The following ENPP4 variants were observed in gnomAD, a reference collection of about 807,000 sequenced individuals.
ENPP4 encodes ectonucleotide pyrophosphatase/phosphodiesterase 4.
Under a neutral mutation model 33.4 loss-of-function variants are expected in ENPP4, and 18 were observed. The observed-to-expected ratio is 0.54, with a 90% CI of 0.37 to 0.80. The LOEUF (loss-of-function observed/expected upper bound fraction) is 0.80. Ranked by LOEUF, ENPP4 falls within the 30% of genes least tolerant of loss-of-function variation. ENPP4 has a pLI of 0.00. For synonymous variants in ENPP4, 172 were observed against 189.9 expected, an observed-to-expected ratio of 0.91 and a Z score of 0.78; for missense variants, 480 against 541.7, an observed-to-expected ratio of 0.89 and a Z score of 1.13.
In ENPP4 at chr6:46,145,676, A is replaced by G. The variant is rs114249433; in HGVS notation, c.*2036A>G. The G allele has an allele frequency of 6.6e-6, 1 of 151,586 alleles. No homozygotes were observed. The highest frequency in any genetic ancestry group is 1.5e-5 in the Non-Finnish European group (1 of 67,786). 9.4% of individuals were successfully genotyped at this position (151,586 alleles called of 1,614,324 possible). A position where few individuals can be genotyped will look rare whatever the true frequency, so the allele number is the denominator to read the frequency against. ...TTCAGAAATCTATACTTGGCATCCA[A>G]CTCATGAGTGGATTTTATATAGGAT... On this transcript the variant is annotated 3_prime_UTR_variant, in exon 4 of 4. Transcript: ENST00000321037.
rs1048077 is a variant in ENPP4, at chr6:46,144,652, A to G, written c.*1012A>G. The G allele has an allele frequency of 0.73, 213,893 of 291,760 alleles. 79,812 individuals are homozygous for G. Among genetic ancestry groups the G allele is most frequent in the African/African-American group, 0.92 (42,665 of 46,312 alleles). The allele number at this position is 291,760 out of a possible 1,614,324, so 18.1% of individuals were successfully genotyped here. On this transcript the variant is annotated 3_prime_UTR_variant, in exon 4 of 4. Transcript: ENST00000321037. ...TTGTAACCTGAGGTATCCAAATGCT[A>G]CAGAAAAATTTATGACCCAAATACA...
chr6:46,135,577 T>C (rs773092820), intron 1 of ENPP4, among the ~76,000 whole-genome samples: 5 of 152,052 alleles, frequency 3.3e-5, no homozygotes, highest in Non-Finnish European at 7.4e-5. Flanking sequence ...TCTTCAGATA[T>C]ATGATTTGCA....
chr6:46,140,990 A>T, intron 2 of ENPP4, 62 bp from the exon 3 acceptor site: 1 of 1,007,714 alleles, frequency 9.9e-7, no homozygotes, highest in Non-Finnish European at 1.5e-6. Flanking sequence ...TATTCTAGTT[A>T]GACATATTTT....
intron 1 of ENPP4, among the ~76,000 whole-genome samples, chr6:46,133,957 A>T (rs182933521): frequency 5.1e-4 from 78 of 152,286 alleles, no homozygotes; most frequent in Middle Eastern, 3.4e-3. Context: ...TATTGAGGAC[A>T]TGAAATTAGT....
rs761292387 is a variant in ENPP4 at position 46,141,237 on chromosome 6, G to A, written c.997+15G>A. 9 of 1,593,174 alleles carry A rather than the reference G, an allele frequency of 5.6e-6. No individual in the cohort carries two copies. Among genetic ancestry groups the A allele is most frequent in the South Asian group, 4.4e-5 (4 of 90,136 alleles). ...ATCACAAAAATGTAAGTATTTAGTT[G>A]AGATATTTCTGTTGTATCCTAGGAA... is the stretch of plus-strand genomic sequence containing the variant. On this transcript the variant is annotated intron_variant, in intron 3 of 3. Coordinates refer to ENST00000321037, the MANE Select transcript of ENPP4 (RefSeq NM_014936.5).
Position 46,141,067 on chromosome 6 carries a change from A to T in ENPP4, c.842A>T (p.Tyr281Phe), listed in dbSNP as rs572687242. 2.2e-4 allele frequency: 347 copies of T among 1,601,498 alleles called. 5 individuals are homozygous for T. The South Asian group carries it at 2.9e-3, about 13-fold the overall frequency. ...ILPKINRTEV[Y>F]NKLKNCSPHM... The stretch of plus-strand genomic sequence containing the variant: ...TTTTTCTCAGATAGAACAGAGGTTT[A>T]TAACAAACTGAAAAACTGTAGCCCT... Residue 281 changes from tyrosine (Y) to phenylalanine (F), a missense_variant, in exon 3 of 4, where the codon TAT (tyrosine) becomes TTT (phenylalanine). By Grantham distance (22) the Tyr-to-Phe change is conservative. Around this residue, in one of 3 missense-constraint regions of ENPP4, gnomAD observed 249 missense variants for 251.8 expected, o/e 0.99. Transcript: ENST00000321037.
At position 46,145,968 on chromosome 6, in the gene ENPP4, T is replaced by G. The variant is rs560971217; in HGVS notation, c.*2328T>G. 2 of 152,032 alleles carry G rather than the reference T, an allele frequency of 1.3e-5. No individual in the cohort carries two copies. Among genetic ancestry groups the G allele is most frequent in the African/African-American group, 4.8e-5 (2 of 41,538 alleles). 9.4% of individuals were successfully genotyped at this position (152,032 alleles called of 1,614,324 possible). A position where few individuals can be genotyped will look rare whatever the true frequency, so the allele number is the denominator to read the frequency against. ...TAGTACACTGAGAAAAATCTTATAGTAAAACTAGCCTTTCACATTAAGGTT... is the reference window on the plus strand; with the variant it reads ...TAGTACACTGAGAAAAATCTTATAGGAAAACTAGCCTTTCACATTAAGGTT... On this transcript the variant is annotated 3_prime_UTR_variant, in exon 4 of 4. Coordinates refer to ENST00000321037, the MANE Select transcript of ENPP4 (RefSeq NM_014936.5).
At chr6:46,143,017 G>A (rs1193727560) in intron 3 of ENPP4, among the ~76,000 whole-genome samples, 1 of 151,640 alleles carries the variant, frequency 6.6e-6, no homozygotes, top group African/African-American at 2.4e-5. Context: ...CGGGCTGAAA[G>A]ATAAGTACAT....
chr6:46,133,220 G>C (rs1763928419), intron 1 of ENPP4, among the ~76,000 whole-genome samples: 1 of 152,150 alleles, frequency 6.6e-6, no homozygotes, highest in African/African-American at 2.4e-5. Flanking sequence ...AGAAAACTTT[G>C]TGTATGCTAG....
chr6:46,141,031 C>T, intron 2 of ENPP4, 21 bp from the exon 3 acceptor site: 4 of 1,512,504 alleles, frequency 2.6e-6, no homozygotes, highest in South Asian at 1.3e-5. Flanking sequence ...GTTTCCTTTG[C>T]TGTTTCTTTT....
intron 1 of ENPP4, among the ~76,000 whole-genome samples, chr6:46,136,213 A>G (rs557849852): frequency 6.6e-6 from 1 of 152,042 alleles, no homozygotes; most frequent in East Asian, 1.9e-4. Context: ...TGGCAGCCTG[A>G]TTTATTATTT....
At chr6:46,142,377 TTATA>T (rs1764076570) in intron 3 of ENPP4, among the ~76,000 whole-genome samples, 1 of 145,288 alleles carries the variant, frequency 6.9e-6, no homozygotes, top group African/African-American at 2.5e-5. Context: ...ATAATGTATA[TTATA>T]TATTATATAT....
intron 1 of ENPP4, 68 bp from the exon 2 acceptor site, chr6:46,139,483 C>A (rs1764023357): frequency 1.5e-6 from 1 of 658,204 alleles, no homozygotes; most frequent in African/African-American, 1.8e-5. Context: ...CTCCTGTGGG[C>A]TAAAATTCTA....
intron 1 of ENPP4, among the ~76,000 whole-genome samples, chr6:46,134,276 C>T (rs1763944301): frequency 6.6e-6 from 1 of 152,088 alleles, no homozygotes; most frequent in African/African-American, 2.4e-5. Flanking sequence ...TACCCAAGAT[C>T]ACCCATCTAC....
chr6:46,137,310 G>A (rs539228377), intron 1 of ENPP4, among the ~76,000 whole-genome samples: 5 of 151,922 alleles, frequency 3.3e-5, no homozygotes, highest in African/African-American at 4.8e-5. Context: ...ATACTGTGCC[G>A]CCGTATTTGC....
In ENPP4 at chr6:46,132,078, T is replaced by A. The variant is rs575536200; in HGVS notation, c.-34+1889T>A. ...AGCCCTTTTTCAGATGAGTAGATTG[T>A]GAAAATTTTCTCCCATTTTGTAGGT... On this transcript the variant is annotated intron_variant, in intron 1 of 3. Transcript: ENST00000321037. Among the ~76,000 whole-genome samples the A allele has an allele frequency of 2.0e-3, 302 of 152,318 alleles. 2 individuals are homozygous for A. Among genetic ancestry groups the A allele is most frequent in the African/African-American group, 6.7e-3 (278 of 41,562 alleles).
In ENPP4 at chr6:46,139,496, A is replaced by C. The variant is rs1764023507; in HGVS notation, c.-33-55A>C. On this transcript the variant is annotated intron_variant, in intron 1 of 3. Transcript: ENST00000321037. ...TCCTCCTGTGGGCTAAAATTCTAAAACTTAACCCAAATGAAATAGAATTAC... is the reference window on the plus strand; with the variant it reads ...TCCTCCTGTGGGCTAAAATTCTAAACCTTAACCCAAATGAAATAGAATTAC... 4 of 737,234 alleles carry C rather than the reference A, an allele frequency of 5.4e-6. No individual in the cohort carries two copies. In the South Asian group the frequency reaches 7.1e-5, roughly 13 times the overall value. 45.7% of individuals were successfully genotyped at this position (737,234 alleles called of 1,614,324 possible). A position where few individuals can be genotyped will look rare whatever the true frequency, so the allele number is the denominator to read the frequency against.
At chr6:46,139,368 GGACAA>G (rs974422628) in intron 1 of ENPP4, among the ~76,000 whole-genome samples, 178 bp from the exon 2 acceptor site, 19 of 131,326 alleles carry the variant, frequency 1.4e-4, no homozygotes, top group Non-Finnish European at 2.8e-4. Flanking sequence ...ATAGGAAATT[GGACAA>G]GACAATTTTT....
intron 1 of ENPP4, among the ~76,000 whole-genome samples, chr6:46,131,297 C>T (rs373342943): frequency 6.6e-6 from 1 of 151,896 alleles, no homozygotes; most frequent in African/African-American, 2.4e-5. Flanking sequence ...CTCCCAATGC[C>T]ATCCCTCCCC....
Sources: gnomAD v4.1 joint callset for allele counts (sites outside exome capture counted in the v4.1 genomes callset) on GRCh38, gnomAD v4.1.1 for gene constraint, gnomAD v4.1.1 regional missense constraint, MANE v1.5 for transcripts, NCBI Gene and HGNC (gene_info 2026-07-23, HGNC 2026-07-21) for gene names.